The following TRAF2 variants were observed in gnomAD, a reference collection of about 807,000 sequenced individuals.
TRAF2 encodes the protein TNF receptor-associated factor 2.
A neutral mutation model predicts 55.6 loss-of-function variants in TRAF2; 6 were observed. That is an observed-to-expected ratio of 0.11 (90% CI 0.06 to 0.21). The LOEUF (loss-of-function observed/expected upper bound fraction) is 0.21, where lower values mean the gene tolerates loss of function less well. TRAF2 is among the 10% of genes least tolerant of loss of function. TRAF2 has a pLI of 1.00. For synonymous variants in TRAF2, 329 were observed against 276.3 expected (o/e 1.19, Z -1.89); for missense variants, 561 against 684.5 (o/e 0.82, Z 2.01).
At chr9:136,890,658 A>G (rs1233285559) in intron 1 of TRAF2, 1 of 152,248 alleles carries the variant, frequency 6.6e-6, no homozygotes, top group Non-Finnish European at 1.5e-5. Flanking sequence ...GGTTTTCATT[A>G]GTTCTTAAAA....
chr9:136,910,084 G>T (rs909492105), intron 6 of TRAF2, 90 bp downstream of exon 6: 2 of 1,364,506 alleles, frequency 1.5e-6, no homozygotes, highest in Middle Eastern at 3.6e-4. Context: ...GGCAGGTTAT[G>T]ACCCTTGTGC....
chr9:136,892,992 T>A (rs998454088), intron 1 of TRAF2, among the ~76,000 whole-genome samples: 1 of 151,870 alleles, frequency 6.6e-6, no homozygotes, highest in African/African-American at 2.4e-5. Context: ...CTAAGTGTAG[T>A]TCTGTGAACC....
chr9:136,908,320 C>T, intron 5 of TRAF2, 89 bp downstream of exon 5: 2 of 1,376,862 alleles, frequency 1.5e-6, no homozygotes, highest in Middle Eastern at 2.6e-4. Context: ...GCTGCGTCGG[C>T]CCCTTTGCAC....
intron 4 of TRAF2, among the ~76,000 whole-genome samples, chr9:136,902,849 C>T (rs1468562150): frequency 6.6e-6 from 1 of 152,174 alleles, no homozygotes; most frequent in Non-Finnish European, 1.5e-5. Context: ...AGTACGGAGG[C>T]TAAGGCTGCC....
At chr9:136,923,031 G>T (rs1850433564) in intron 9 of TRAF2, among the ~76,000 whole-genome samples, 1 of 152,162 alleles carries the variant, frequency 6.6e-6, no homozygotes, top group Non-Finnish European at 1.5e-5. Context: ...GCAGACCTTT[G>T]CACACAGTGT....
At chr9:136,923,598 G>GA (rs1850447951) in intron 9 of TRAF2, among the ~76,000 whole-genome samples, 1 of 120,240 alleles carries the variant, frequency 8.3e-6, no homozygotes, top group Non-Finnish European at 1.6e-5. Context: ...CAACAAGAGT[G>GA]AGACTCCATC....
chr9:136,923,832 C>T lies in TRAF2; in HGVS notation c.1139-20C>T. 1 of 1,611,062 alleles carries T rather than the reference C, an allele frequency of 6.2e-7. No individual in the cohort carries two copies. The highest frequency in any genetic ancestry group is 8.5e-7 in the Non-Finnish European group (1 of 1,178,614). ...CCTTGCTGAGTGTCAGCTCACCAGG[C>T]ACCCCTCCTGCCTCCCCAGCCTTCT... On this transcript the variant is annotated intron_variant, in intron 9 of 10. Coordinates refer to ENST00000247668, the MANE Select transcript of TRAF2 (RefSeq NM_021138.4).
chr9:136,925,060 A>G (rs1850496026), intron 10 of TRAF2, among the ~76,000 whole-genome samples: 1 of 152,178 alleles, frequency 6.6e-6, no homozygotes, highest in Non-Finnish European at 1.5e-5. Context: ...AGAATCTATT[A>G]TTTTGTGGAA....
At chr9:136,912,922 C>G (rs974771877) in intron 6 of TRAF2, among the ~76,000 whole-genome samples, 1 of 152,154 alleles carries the variant, frequency 6.6e-6, no homozygotes, top group Non-Finnish European at 1.5e-5. Flanking sequence ...CACCTGAGGT[C>G]AGGAGATCAA....
At chr9:136,905,977 C>T (rs535355538) in intron 4 of TRAF2, among the ~76,000 whole-genome samples, 233 of 152,176 alleles carry the variant, frequency 1.5e-3, no homozygotes, top group Non-Finnish European at 2.8e-3. Context: ...TGGTGGCGGG[C>T]GCCCGTAGTC....
At chr9:136,908,480 T>C (rs1850012985) in intron 5 of TRAF2, among the ~76,000 whole-genome samples, 1 of 152,136 alleles carries the variant, frequency 6.6e-6, no homozygotes, top group South Asian at 2.1e-4. Flanking sequence ...CCCAGCGCTT[T>C]GGGAGGCTGA....
intron 4 of TRAF2, among the ~76,000 whole-genome samples, chr9:136,900,848 G>A (rs1849804823): frequency 6.6e-6 from 1 of 152,166 alleles, no homozygotes; most frequent in Non-Finnish European, 1.5e-5. Flanking sequence ...GGAGGTGCCT[G>A]TGTGAGCCCT....
intron 1 of TRAF2, 30 bp downstream of exon 1, chr9:136,886,571 T>G (rs1849453336): frequency 2.1e-6 from 2 of 945,886 alleles, no homozygotes; most frequent in African/African-American, 1.9e-5. Flanking sequence ...GGGTGCGGGG[T>G]CGGGCGCGGG....
At chr9:136,898,027 C>T (rs1007528581) in intron 1 of TRAF2, among the ~76,000 whole-genome samples, 1 of 145,390 alleles carries the variant, frequency 6.9e-6, no homozygotes, top group Non-Finnish European at 1.5e-5. Context: ...TACGTTCCCG[C>T]TCTCAGGGCT....
At chr9:136,903,646 A>G (rs983432220) in intron 4 of TRAF2, among the ~76,000 whole-genome samples, 3 of 151,840 alleles carry the variant, frequency 2.0e-5, no homozygotes, top group African/African-American at 4.8e-5. Context: ...TGGAGATTTC[A>G]AGTACCGAGT....
intron 5 of TRAF2, among the ~76,000 whole-genome samples, chr9:136,909,654 C>T (rs1467014001): frequency 6.6e-6 from 1 of 152,230 alleles, no homozygotes; most frequent in African/African-American, 2.4e-5. Context: ...GCCGTTGTTT[C>T]ACGTGGCTTC....
intron 1 of TRAF2, among the ~76,000 whole-genome samples, chr9:136,891,614 C>T (rs1360977877): frequency 6.6e-6 from 1 of 152,030 alleles, no homozygotes; most frequent in African/African-American, 2.4e-5. Flanking sequence ...TCTCCACCTT[C>T]AAGAGCGCAT....
At chr9:136,886,671 GGGAGAGGCCGC>G in intron 1 of TRAF2, 130 bp downstream of exon 1, 2 of 628,626 alleles carry the variant, frequency 3.2e-6, no homozygotes, top group Non-Finnish European at 4.0e-6. Flanking sequence ...GAGCGGGGGC[GGGAGAGGCCGC>G]GGGGCGGGGG....
chr9:136,905,729 G>T (rs1343179430), intron 4 of TRAF2, among the ~76,000 whole-genome samples: 1 of 152,166 alleles, frequency 6.6e-6, no homozygotes, highest in South Asian at 2.1e-4. Flanking sequence ...AGGCACAGGG[G>T]CTCATGCCTG....
Sources: allele counts gnomAD v4.1 joint callset (sites outside exome capture counted in the v4.1 genomes callset), GRCh38; gene constraint gnomAD v4.1.1; transcripts MANE v1.5; gene names NCBI Gene and HGNC (gene_info 2026-07-23, HGNC 2026-07-21).